The following TENM3 variants were observed in gnomAD, a reference collection of about 807,000 sequenced individuals.
TENM3 encodes the protein teneurin transmembrane protein 3.
TENM3 carries 63 observed loss-of-function variants against 255.1 expected under a neutral mutation model. That is an observed-to-expected ratio of 0.25 (90% confidence interval 0.20 to 0.30). The LOEUF is 0.30. Ranked by LOEUF, TENM3 falls within the 10% of genes least tolerant of loss-of-function variation. The probability of loss-of-function intolerance (pLI) is 1.00; values close to 1 mark genes in which losing one functional copy is unlikely to be tolerated. For missense variants in TENM3, 2,929 were observed against 3,461.1 expected, an observed-to-expected ratio of 0.85 and a Z score of 3.86; for synonymous variants, 1,306 against 1,322.3, an observed-to-expected ratio of 0.99 and a Z score of 0.27.
chr4:181,944,212 A>C, the TENM3 span, among the ~76,000 whole-genome samples: 1 of 150,940 alleles, frequency 6.6e-6, no homozygotes. Flanking sequence ...CTGGAGCCCC[A>C]GGAAAGCTGG....
At chr4:181,815,288 C>G in the TENM3 span, among the ~76,000 whole-genome samples, 1 of 128,688 alleles carries the variant, frequency 7.8e-6, no homozygotes, top group Non-Finnish European at 1.7e-5. Flanking sequence ...CCCGTCTCTA[C>G]AAAAATACAA....
chr4:182,442,896 G>T (rs185418567), intron 3 of TENM3, among the ~76,000 whole-genome samples: 1 of 149,800 alleles, frequency 6.7e-6, no homozygotes, highest in East Asian at 2.0e-4. Context: ...ATATATATGG[G>T]TTCTTTTCTG....
chr4:182,438,397 T>A (rs1163818345), intron 3 of TENM3, among the ~76,000 whole-genome samples: 1 of 152,242 alleles, frequency 6.6e-6, no homozygotes, highest in Non-Finnish European at 1.5e-5. Context: ...GTTATGAAAC[T>A]ACATGTTTTT....
rs1174169891 is a variant in TENM3 at position 182,800,037 on chromosome 4, G to A, written c.7786G>A (p.Val2596Met). The A allele has an allele frequency of 2.5e-6, 4 of 1,599,860 alleles. No individual in the cohort carries two copies. The highest frequency in any genetic ancestry group is 3.4e-6 in the Non-Finnish European group (4 of 1,174,266). Reference sequence around the variant, plus strand: ...CGGCAGGACGCGCAGGTTCGCGGACGTGGAGATGCAGTTCGGCGCGCTGGC... The same window carrying A: ...CGGCAGGACGCGCAGGTTCGCGGACATGGAGATGCAGTTCGGCGCGCTGGC... ...VNGRTRRFAD[V>M]EMQFGALALH... Residue 2596 changes from valine (V) to methionine (M), a missense_variant, in exon 28 of 28, where the codon GTG becomes ATG. Val to Met is a conservative substitution (Grantham distance 21). This residue lies in a region of TENM3 where 476 missense variants were observed against 480.1 expected (regional missense o/e 0.99). Coordinates refer to ENST00000511685, the MANE Select transcript of TENM3 (RefSeq NM_001080477.4).
At chr4:182,394,979 G>T (rs963289102) in intron 3 of TENM3, among the ~76,000 whole-genome samples, 1 of 152,136 alleles carries the variant, frequency 6.6e-6, no homozygotes, top group African/African-American at 2.4e-5. Context: ...CCCTTTAGTG[G>T]CTTCAATTGC....
the TENM3 span, among the ~76,000 whole-genome samples, chr4:181,940,107 A>T: frequency 3.3e-5 from 5 of 152,228 alleles, no homozygotes; most frequent in African/African-American, 1.2e-4. Context: ...ATAAAAAATA[A>T]CAGTGATAAT....
chr4:181,604,565 C>T, the TENM3 span, among the ~76,000 whole-genome samples: 1 of 152,148 alleles, frequency 6.6e-6, no homozygotes, highest in Non-Finnish European at 1.5e-5. Context: ...AGCCCACCTC[C>T]AGCAGCAAGT....
At chr4:182,595,875 ATTATT>A (rs1366550952) in intron 3 of TENM3, among the ~76,000 whole-genome samples, 1 of 150,764 alleles carries the variant, frequency 6.6e-6, no homozygotes, top group Non-Finnish European at 1.5e-5. Flanking sequence ...ATTTTTAAAT[ATTATT>A]TTATAGCTTT....
the TENM3 span, among the ~76,000 whole-genome samples, chr4:182,121,111 G>A: frequency 1.3e-5 from 2 of 152,020 alleles, no homozygotes; most frequent in African/African-American, 4.8e-5. Flanking sequence ...TGATTACCCT[G>A]GCTCAGCCTC....
chr4:181,530,465 T>A, the TENM3 span, among the ~76,000 whole-genome samples: 7 of 151,978 alleles, frequency 4.6e-5, no homozygotes, highest in African/African-American at 1.7e-4. Flanking sequence ...TGTAGATGAG[T>A]TGCAATGCAT....
At chr4:182,674,825 C>G (rs919689953) in intron 7 of TENM3, among the ~76,000 whole-genome samples, 22 of 152,150 alleles carry the variant, frequency 1.4e-4, no homozygotes, top group Non-Finnish European at 2.9e-4. Flanking sequence ...ATCCGCCCAC[C>G]TTCCCAAAGG....
intron 19 of TENM3, 61 bp downstream of exon 19, chr4:182,743,480 G>A: frequency 6.4e-7 from 1 of 1,570,836 alleles, no homozygotes. Flanking sequence ...TAAAAAAAAG[G>A]TTGAGTCTGA....
the TENM3 span, among the ~76,000 whole-genome samples, chr4:181,563,125 T>A: frequency 6.6e-6 from 1 of 152,088 alleles, no homozygotes; most frequent in Non-Finnish European, 1.5e-5. Context: ...ACGGGGAGGG[T>A]GGCTTAAACA....
chr4:181,667,599 C>T, the TENM3 span, among the ~76,000 whole-genome samples: 715 of 152,174 alleles, frequency 4.7e-3, 3 homozygotes, highest in Middle Eastern at 0.01. Context: ...GATGAGTTCT[C>T]CCACCCTCAC....
intron 3 of TENM3, among the ~76,000 whole-genome samples, chr4:182,545,276 GAACTCATTAAT>G (rs1741320740): frequency 6.6e-6 from 1 of 152,078 alleles, no homozygotes; most frequent in Admixed American, 6.5e-5. Context: ...TTGTTTGTAA[GAACTCATTAAT>G]AGATGTATAT....
the TENM3 span, among the ~76,000 whole-genome samples, chr4:181,912,797 A>C: frequency 5.3e-5 from 8 of 150,794 alleles, no homozygotes; most frequent in Admixed American, 5.3e-4. Flanking sequence ...AGATTGTTGC[A>C]GGGGATGAAA....
chr4:182,693,368 ACT>A (rs1304011336), intron 12 of TENM3, among the ~76,000 whole-genome samples: 1 of 150,136 alleles, frequency 6.7e-6, no homozygotes, highest in African/African-American at 2.5e-5. Context: ...ATAGAATCTC[ACT>A]CTGTCGCCCA....
chr4:182,150,150 A>T (rs1350922529), intron 1 of TENM3, among the ~76,000 whole-genome samples: 1 of 151,898 alleles, frequency 6.6e-6, no homozygotes, highest in Non-Finnish European at 1.5e-5. Flanking sequence ...CAGCTATTTT[A>T]TAACTGGGTC....
In TENM3 at chr4:182,728,920, C is replaced by A. The variant is rs753538029; in HGVS notation, c.2369-45C>A. 11 of 1,479,728 alleles carry A rather than the reference C, an allele frequency of 7.4e-6. No homozygotes were observed. The Middle Eastern group carries it at 5.2e-4, about 70-fold the overall frequency. The allele number at this position is 1,479,728 out of a possible 1,614,324, so 91.7% of individuals were successfully genotyped here. A position where few individuals can be genotyped will look rare whatever the true frequency, so the allele number is the denominator to read the frequency against. On this transcript the variant is annotated intron_variant, in intron 13 of 27. Coordinates refer to ENST00000511685, the MANE Select transcript of TENM3 (RefSeq NM_001080477.4). ...AAACAAAACTGATTCTACATTATGG[C>A]ATCAAAAGGAAAATTCTCTTACTGG...
Sources: gnomAD v4.1 joint callset for allele counts (sites outside exome capture counted in the v4.1 genomes callset) on GRCh38, gnomAD v4.1.1 for gene constraint, gnomAD v4.1.1 regional missense constraint, MANE v1.5 for transcripts, NCBI Gene and HGNC (gene_info 2026-07-23, HGNC 2026-07-21) for gene names.